LRFN5: variants seen among roughly 807,000 people sequenced by gnomAD.
The protein encoded by LRFN5 is leucine-rich repeat and fibronectin type-III domain-containing protein 5.
A neutral mutation model predicts 45.6 loss-of-function variants in LRFN5; 24 were observed. The ratio of observed to expected loss-of-function variants is 0.53; its 90% confidence interval spans 0.38 to 0.74. The LOEUF (loss-of-function observed/expected upper bound fraction) is 0.74. Ranked by LOEUF, LRFN5 falls within the 30% of genes least tolerant of loss-of-function variation. The pLI, the probability that LRFN5 is intolerant of heterozygous loss-of-function variation, is 0.00. For missense variants in LRFN5, 776 were observed against 861.5 expected (o/e 0.90, Z 1.24); for synonymous variants, 340 against 313.8 (o/e 1.08, Z -0.88).
chr14:41,831,214 T>C (rs1888466793), intron 2 of LRFN5, among the ~76,000 whole-genome samples: 1 of 152,224 alleles, frequency 6.6e-6, no homozygotes, highest in Non-Finnish European at 1.5e-5. Flanking sequence ...TACCCGTCTT[T>C]TAATAATGTT....
chr14:41,734,004 T>C (rs1359240253), intron 1 of LRFN5, among the ~76,000 whole-genome samples: 2 of 146,602 alleles, frequency 1.4e-5, no homozygotes, highest in Non-Finnish European at 3.0e-5. Flanking sequence ...TATGTATATA[T>C]ATATTTTTTC....
chr14:41,864,220 G>C (rs1448836734), intron 2 of LRFN5, among the ~76,000 whole-genome samples: 1 of 152,070 alleles, frequency 6.6e-6, no homozygotes, highest in Non-Finnish European at 1.5e-5. Context: ...TGGTATTTCT[G>C]GTTCTAGATC....
At chr14:41,823,983 G>A (rs1888211609) in intron 2 of LRFN5, among the ~76,000 whole-genome samples, 1 of 151,898 alleles carries the variant, frequency 6.6e-6, no homozygotes, top group African/African-American at 2.4e-5. Flanking sequence ...ACTGTATTTT[G>A]TAATTCCTTC....
At chr14:41,838,032 T>G (rs140884600) in intron 2 of LRFN5, among the ~76,000 whole-genome samples, 1 of 152,170 alleles carries the variant, frequency 6.6e-6, no homozygotes. Context: ...TAGACCTGAT[T>G]TGTGTGGTTT....
At chr14:41,740,436 A>T (rs73315029) in intron 1 of LRFN5, among the ~76,000 whole-genome samples, 3,906 of 152,134 alleles carry the variant, frequency 0.026, 165 homozygotes, top group African/African-American at 0.089. Context: ...TGAAGAAGAA[A>T]ATCATATGAT....
intron 1 of LRFN5, among the ~76,000 whole-genome samples, chr14:41,675,282 G>T (rs1191383920): frequency 1.3e-5 from 2 of 152,260 alleles, no homozygotes; most frequent in East Asian, 3.8e-4. Flanking sequence ...AGCCAGCCGA[G>T]ATCACGCCAC....
rs113809233 is a variant in LRFN5, at chr14:41,625,525, G to A, written c.-197+16963G>A. On this transcript the variant is annotated intron_variant, in intron 1 of 5. Transcript: ENST00000298119. ...GCCTCAGCTATTTCTTCATAGCAGC[G>A]TGAGAATGGATGAATACAAACATTA... Among the ~76,000 whole-genome samples, 966 of 152,218 alleles carry A rather than the reference G, an allele frequency of 6.3e-3. 16 individuals are homozygous for A. Among genetic ancestry groups the A allele is most frequent in the African/African-American group, 0.023 (940 of 41,542 alleles).
chr14:41,650,267 A>AC (rs1555351106), intron 1 of LRFN5, among the ~76,000 whole-genome samples: 67,885 of 120,598 alleles, frequency 0.56, 17,230 homozygotes, highest in East Asian at 0.79. Flanking sequence ...ACACACACAC[A>AC]AAAAAAAAAA....
chr14:41,753,885 A>G (rs1388398310), intron 1 of LRFN5, among the ~76,000 whole-genome samples: 1 of 152,004 alleles, frequency 6.6e-6, no homozygotes, highest in African/African-American at 2.4e-5. Flanking sequence ...CCCATTCAGT[A>G]TATTGGCTGT....
intron 4 of LRFN5, among the ~76,000 whole-genome samples, chr14:41,896,960 C>A (rs1309414468): frequency 1.3e-5 from 2 of 151,632 alleles, no homozygotes; most frequent in Non-Finnish European, 1.5e-5. Context: ...GGTGTGGTGG[C>A]GCGCACCTGT....
chr14:41,623,148 C>G (rs1888194277), intron 1 of LRFN5, among the ~76,000 whole-genome samples: 1 of 152,072 alleles, frequency 6.6e-6, no homozygotes, highest in African/African-American at 2.4e-5. Flanking sequence ...TTGCTTTTCT[C>G]TCAGGACCAC....
intron 1 of LRFN5, among the ~76,000 whole-genome samples, chr14:41,681,869 A>G (rs1023567317): frequency 2.0e-5 from 3 of 146,736 alleles, no homozygotes; most frequent in Non-Finnish European, 4.5e-5. Flanking sequence ...CCCAGGCTGG[A>G]GTGCAGTGGC....
intron 4 of LRFN5, chr14:41,894,914 T>G: frequency 1.0e-6 from 1 of 983,728 alleles, no homozygotes. Context: ...ATATATGTGA[T>G]CTGAAGCATC....
At chr14:41,611,486 C>T (rs969556717) in intron 1 of LRFN5, among the ~76,000 whole-genome samples, 1 of 152,132 alleles carries the variant, frequency 6.6e-6, no homozygotes, top group African/African-American at 2.4e-5. Flanking sequence ...ATTTCCCAGC[C>T]AAAAGCCTCC....
At chr14:41,707,828 A>G (rs576448941) in intron 1 of LRFN5, among the ~76,000 whole-genome samples, 1 of 152,178 alleles carries the variant, frequency 6.6e-6, no homozygotes, top group Admixed American at 6.6e-5. Flanking sequence ...CTCAATGGTT[A>G]TATATTGCCC....
chr14:41,652,968 A>G (rs573313726), intron 1 of LRFN5, among the ~76,000 whole-genome samples: 1 of 152,176 alleles, frequency 6.6e-6, no homozygotes, highest in South Asian at 2.1e-4. Flanking sequence ...TTCTTTAGAG[A>G]ACTGTCTGTT....
At chr14:41,739,647 C>T (rs1304987811) in intron 1 of LRFN5, among the ~76,000 whole-genome samples, 1 of 147,526 alleles carries the variant, frequency 6.8e-6, no homozygotes, top group Non-Finnish European at 1.5e-5. Context: ...TGTTATACCT[C>T]TAGCAACTAG....
chr14:41,774,690 A>C (rs1448322763), intron 2 of LRFN5, among the ~76,000 whole-genome samples: 1 of 152,180 alleles, frequency 6.6e-6, no homozygotes, highest in Non-Finnish European at 1.5e-5. Context: ...GAAAAGCGTT[A>C]ACTTAGATGT....
intron 1 of LRFN5, among the ~76,000 whole-genome samples, chr14:41,735,965 A>AT (rs1296747889): frequency 6.6e-6 from 1 of 152,170 alleles, no homozygotes; most frequent in African/African-American, 2.4e-5. Context: ...ATAGTATTCC[A>AT]TGGTGTATAT....
Sources: gnomAD v4.1 joint callset for allele counts (sites outside exome capture counted in the v4.1 genomes callset) on GRCh38, gnomAD v4.1.1 for gene constraint, MANE v1.5 for transcripts, NCBI Gene and HGNC (gene_info 2026-07-23, HGNC 2026-07-21) for gene names.